DVL1: variants seen among roughly 807,000 people sequenced by gnomAD.
DVL1 encodes dishevelled segment polarity protein 1.
Under a neutral mutation model 65.0 loss-of-function variants are expected in DVL1, and 49 were observed. The ratio of observed to expected loss-of-function variants is 0.75; its 90% CI spans 0.60 to 0.96. The LOEUF is 0.96. Ranked by LOEUF, DVL1 falls within the 40% of genes least tolerant of loss-of-function variation. The pLI is 0.00. For missense variants in DVL1, 1,197 were observed against 1,045.4 expected (o/e 1.15, Z -2.00); for synonymous variants, 608 against 433.9 (o/e 1.40, Z -4.99).
chr1:1,345,051 C>T (rs1305242062), intron 1 of DVL1, among the ~76,000 whole-genome samples: 1 of 152,134 alleles, frequency 6.6e-6, no homozygotes, highest in African/African-American at 2.4e-5. Flanking sequence ...GGAGACTCGG[C>T]CACCCAGCAC....
At chr1:1,340,851 ACACATGCACCCCTGCG>A (rs1304340529) in intron 5 of DVL1, among the ~76,000 whole-genome samples, 1 of 146,066 alleles carries the variant, frequency 6.8e-6, no homozygotes, top group African/African-American at 2.6e-5. Context: ...GCAACCCTGC[ACACATGCACCCCTGCG>A]CACAGGCACA....
At position 1,340,563 on chromosome 1, in the gene DVL1, C is replaced by A. The variant is rs575933500; in HGVS notation, c.606-60G>T. On this transcript the variant is annotated intron_variant, in intron 5 of 14. Coordinates refer to ENST00000378888, the MANE Select transcript of DVL1 (RefSeq NM_001330311.2). Reference sequence around the variant, plus strand: ...AGACATGGGTAGGGGGGTGGGAACCCGCTCCCCCAATACTGAGTGGGAATC... The same window carrying A: ...AGACATGGGTAGGGGGGTGGGAACCAGCTCCCCCAATACTGAGTGGGAATC... 1.1e-3 allele frequency: 1,735 copies of A among 1,528,316 alleles called. 2 individuals are homozygous for A. The highest frequency in any genetic ancestry group is 1.5e-3 in the Non-Finnish European group (1,636 of 1,125,734). 94.7% of individuals were successfully genotyped at this position (1,528,316 alleles called of 1,614,324 possible). A position where few individuals can be genotyped will look rare whatever the true frequency, so the allele number is the denominator to read the frequency against.
chr1:1,341,987 G>C lies in DVL1; in HGVS notation c.466+66C>G, dbSNP rs956058086. The C allele has an allele frequency of 3.4e-6, 5 of 1,480,236 alleles. No individual in the cohort carries two copies. The African/African-American group carries it at 4.2e-5, about 12-fold the overall frequency. 91.7% of individuals were successfully genotyped at this position (1,480,236 alleles called of 1,614,324 possible). A position where few individuals can be genotyped will look rare whatever the true frequency, so the allele number is the denominator to read the frequency against. ...TGGGGGACAGGAACTGCTGTAGTAG[G>C]AACATGGCTCATGGGGGTCCCAGGG... On this transcript the variant is annotated intron_variant, in intron 4 of 14. Coordinates refer to ENST00000378888, the MANE Select transcript of DVL1 (RefSeq NM_001330311.2).
At chr1:1,341,380 A>G (rs1308434122) in intron 5 of DVL1, among the ~76,000 whole-genome samples, 1 of 152,194 alleles carries the variant, frequency 6.6e-6, no homozygotes, top group Non-Finnish European at 1.5e-5. Flanking sequence ...CGCAATGTGA[A>G]AACGCCTCAC....
rs573266259 is a variant in DVL1, at chr1:1,341,552, A to G, written c.605+115T>C. ...CAGACATTTGCAGGCACACACATGCACACACACGCACACACGTGCAATGTG... is the reference window on the plus strand; with the variant it reads ...CAGACATTTGCAGGCACACACATGCGCACACACGCACACACGTGCAATGTG... On this transcript the variant is annotated intron_variant, in intron 5 of 14. Transcript: ENST00000378888. 154 of 940,858 alleles carry G rather than the reference A, an allele frequency of 1.6e-4. 1 individual carries two copies. The highest frequency in any genetic ancestry group is 1.1e-3 in the East Asian group (1 of 914). The allele number at this position is 940,858 out of a possible 1,614,324, so 58.3% of individuals were successfully genotyped here.
intron 14 of DVL1, 105 bp downstream of exon 14, chr1:1,337,872 G>A (rs1211209286): frequency 1.1e-6 from 1 of 876,130 alleles, no homozygotes; most frequent in South Asian, 1.5e-5. Flanking sequence ...GGAGCTGGGG[G>A]TGGAGCAGCA....
chr1:1,341,686 C>CG lies in DVL1; in HGVS notation c.585dup (p.Glu196ArgfsTer97). 2.5e-6 allele frequency: 4 copies of CG among 1,608,664 alleles called. No homozygotes were observed. Among genetic ancestry groups the CG allele is most frequent in the Non-Finnish European group, 3.4e-6 (4 of 1,176,504 alleles). ...ACACACCTGCTCGTGCTGCCATCCTCGTCCGAGTCCACAAAGCTGCTGGAC... is the reference window on the plus strand; with the variant it reads ...ACACACCTGCTCGTGCTGCCATCCTCGGTCCGAGTCCACAAAGCTGCTGGAC... On this transcript the variant is annotated frameshift_variant, in exon 5 of 15. Transcript: ENST00000378888. LOFTEE classifies it high-confidence loss of function.
intron 1 of DVL1, among the ~76,000 whole-genome samples, chr1:1,344,116 C>G (rs1006024868): frequency 6.6e-5 from 10 of 152,058 alleles, no homozygotes; most frequent in African/African-American, 2.4e-4. Context: ...GGGCTGTGGT[C>G]GACACTCACA....
At chr1:1,341,527 C>CA in intron 5 of DVL1, 140 bp downstream of exon 5, 2 of 1,184,894 alleles carry the variant, frequency 1.7e-6, no homozygotes, top group Non-Finnish European at 2.3e-6. Context: ...ATCATGTACA[C>CA]AGACATTTGC....
rs1398254466 is a variant in DVL1, at chr1:1,341,805, G to A, written c.467C>T (p.Ala156Val). ...ERARRRNREE[A>V]ARTNGHPRGD... ...CCTTGGGTGCCCATTGGTCCGGGCG[G>A]CTGTGGGGGCAGCAGGTTGGGAACT... is the stretch of plus-strand genomic sequence containing the variant. The change falls in exon 5 of 15, where the codon GCC (alanine) becomes GTC (valine). Residue 156 changes from alanine (A) to valine (V), a missense_variant and splice_region_variant. By Grantham distance (64) the Ala-to-Val change is moderately conservative. Coordinates refer to ENST00000378888, the MANE Select transcript of DVL1 (RefSeq NM_001330311.2). 1.3e-6 allele frequency: 2 copies of A among 1,576,852 alleles called. No homozygotes were observed. The highest frequency in any genetic ancestry group is 8.6e-7 in the Non-Finnish European group (1 of 1,156,752).
intron 5 of DVL1, 89 bp from the exon 6 acceptor site, chr1:1,340,592 G>T: frequency 8.5e-6 from 12 of 1,405,560 alleles, no homozygotes; most frequent in Non-Finnish European, 1.1e-5. Flanking sequence ...GGGAATCGGG[G>T]GTCTAGGCCA....
rs139904078 is a variant in DVL1, at chr1:1,338,649, C to T, written c.1212G>A (p.Leu404=). Residue 404 remains leucine, a synonymous_variant, in exon 12 of 15, where the codon CTG becomes CTA. Transcript: ENST00000378888. ...TCTTCACCGTCAGCGGCGCCTCTTCCAGCTCTGCAAAGCACAGACAGCCCC... is the reference window on the plus strand; with the variant it reads ...TCTTCACCGTCAGCGGCGCCTCTTCTAGCTCTGCAAAGCACAGACAGCCCC... ...LTSSVPGAPQ[L]EEAPLTVKSD... 58 of 1,609,536 alleles carry T rather than the reference C, an allele frequency of 3.6e-5. No individual in the cohort carries two copies. The African/African-American group carries it at 6.4e-4, about 18-fold the overall frequency.
intron 14 of DVL1, 170 bp downstream of exon 14, chr1:1,337,804 CAGG>C (rs1436118379): frequency 2.8e-6 from 2 of 718,802 alleles, no homozygotes; most frequent in Admixed American, 4.0e-5. Context: ...AAGTACACAG[CAGG>C]AGCATGGGAT....
At chr1:1,341,628 G>A (rs201627463) in intron 5 of DVL1, 39 bp downstream of exon 5, 4 of 1,564,732 alleles carry the variant, frequency 2.6e-6, no homozygotes, top group East Asian at 2.3e-5. Flanking sequence ...TTTGCAAGTG[G>A]GCACACAGGC....
At chr1:1,340,917 A>G (rs192234172) in intron 5 of DVL1, among the ~76,000 whole-genome samples, 1 of 144,040 alleles carries the variant, frequency 6.9e-6, no homozygotes, top group Non-Finnish European at 1.5e-5. Flanking sequence ...ACACACGCAC[A>G]CCTGCACACG....
At position 1,340,023 on chromosome 1, in the gene DVL1, C is replaced by T; in HGVS notation, c.909+15G>A. The T allele has an allele frequency of 1.9e-6, 3 of 1,607,026 alleles. No homozygotes were observed. The South Asian group carries it at 3.3e-5, about 18-fold the overall frequency. On this transcript the variant is annotated intron_variant, in intron 8 of 14. Transcript: ENST00000378888. ...CCCGCAGCTACATGTCACCCCGCAG[C>T]CCCCACAGACACACCTGCAGCAACA...
chr1:1,342,883 C>G (rs1045993529), intron 1 of DVL1, 125 bp from the exon 2 acceptor site: 53 of 878,260 alleles, frequency 6.0e-5, no homozygotes, highest in Middle Eastern at 2.4e-4. Flanking sequence ...CCCCTGCTAG[C>G]GCATTCTCCT....
At position 1,335,616 on chromosome 1, in the gene DVL1, G is replaced by A. The variant is rs905825321; in HGVS notation, c.*526C>T. On this transcript the variant is annotated 3_prime_UTR_variant, in exon 15 of 15. Coordinates refer to ENST00000378888, the MANE Select transcript of DVL1 (RefSeq NM_001330311.2). ...CTCGTCTTCCGGTCCCGTCCTCCAC[G>A]TACTTTCAGACTGTTGCCGGATGGG... 6 of 155,072 alleles carry A rather than the reference G, an allele frequency of 3.9e-5. No homozygotes were observed. The highest frequency in any genetic ancestry group is 2.5e-4 in the Admixed American group (4 of 15,994). 9.6% of individuals were successfully genotyped at this position (155,072 alleles called of 1,614,324 possible). A position where few individuals can be genotyped will look rare whatever the true frequency, so the allele number is the denominator to read the frequency against.
Position 1,338,577 on chromosome 1 carries a change from T to G in DVL1, c.1284A>C (p.Gly428=). 1 of 1,612,462 alleles carries G rather than the reference T, an allele frequency of 6.2e-7. No individual in the cohort carries two copies. ...GCCACATGCGGTCGCGGATCTCCAGTCCCGAGTCTGGCAGCTGCATGACCC... is the reference window on the plus strand; with the variant it reads ...GCCACATGCGGTCGCGGATCTCCAGGCCCGAGTCTGGCAGCTGCATGACCC... ...VVRVMQLPDS[G]LEIRDRMWLK... Residue 428 remains glycine (G), a synonymous_variant, in exon 12 of 15, where the codon GGA becomes GGC. Coordinates refer to ENST00000378888, the MANE Select transcript of DVL1 (RefSeq NM_001330311.2).
Sources: allele counts gnomAD v4.1 joint callset (sites outside exome capture counted in the v4.1 genomes callset), GRCh38; gene constraint gnomAD v4.1.1; transcripts MANE v1.5; gene names NCBI Gene and HGNC (gene_info 2026-07-23, HGNC 2026-07-21).